Variants in SCART1 observed in about 807,000 individuals in gnomAD.
The protein encoded by SCART1 is scavenger receptor cysteine-rich domain-containing protein SCART1.
In SCART1, 62 loss-of-function variants were observed where a neutral mutation model predicts 36.2. That is an observed-to-expected ratio of 1.71 (90% CI 1.40 to 2.12). SCART1 has a LOEUF of 2.12. SCART1 is among the 30% of genes most tolerant of loss of function. The pLI is 0.00. For missense variants in SCART1, 1,041 were observed against 540.5 expected (o/e 1.93, Z -9.18); for synonymous variants, 487 against 238.7 (o/e 2.04, Z -9.59).
rs150611227 is a variant in SCART1, at chr10:133,464,699, A to G, written c.2063A>G (p.Asn688Ser). The change falls in exon 7 of 12, where the codon AAT (asparagine) becomes AGT (serine). Residue 688 changes from asparagine (N) to serine (S), a missense_variant. Coordinates refer to ENST00000640237, the Ensembl canonical transcript of SCART1. ...GGGACCTGGGGCGCCATGTGCAGCA[A>G]TGCCCTGAAGGACCTCTCCTTGTCC... 9.5e-3 allele frequency: 6,657 copies of G among 701,722 alleles called. 76 individuals carry two copies. Among genetic ancestry groups the G allele is most frequent in the Middle Eastern group, 0.039 (170 of 4,314 alleles). The allele number at this position is 701,722 out of a possible 1,614,324, so 43.5% of individuals were successfully genotyped here.
chr10:133,465,283 G>A (rs1337888052), exon 9 of SCART1: 1 of 687,208 alleles, frequency 1.5e-6, no homozygotes, highest in Admixed American at 2.1e-5. Context: ...CGGGGGCGAG[G>A]ACCGCTGCTC....
exon 12 of SCART1, chr10:133,467,932 C>T (rs111704110): frequency 1.0e-5 from 7 of 698,408 alleles, no homozygotes; most frequent in African/African-American, 3.5e-5. Context: ...AGGGATATGA[C>T]GAGGCTGCGT....
At chr10:133,460,196 A>G (rs564941521) in intron 6 of SCART1, 26 bp downstream of exon 6, 12 of 462,194 alleles carry the variant, frequency 2.6e-5, no homozygotes, top group African/African-American at 2.4e-4. Context: ...GTATGGAATG[A>G]TCATGCTGTT....
chr10:133,460,117 G>C, exon 6 of SCART1: 1 of 516,998 alleles, frequency 1.9e-6, no homozygotes, highest in Admixed American at 4.0e-5. Context: ...CCGTCGGCGG[G>C]CTGGGGGCGG....
chr10:133,457,305 G>A, exon 3 of SCART1: 1 of 700,798 alleles, frequency 1.4e-6, no homozygotes, highest in Non-Finnish European at 2.6e-6. Context: ...GCTCCGGCTG[G>A]TGAAGGGCCG....
exon 6 of SCART1, chr10:133,459,914 G>A (rs974807720): frequency 3.7e-6 from 2 of 540,842 alleles, no homozygotes; most frequent in African/African-American, 4.1e-5. Flanking sequence ...GGGCCGGGGC[G>A]CTGCACGGGG....
intron 2 of SCART1, 72 bp from the exon 3 acceptor site, chr10:133,457,207 A>G: frequency 1.5e-6 from 1 of 676,458 alleles, no homozygotes; most frequent in Non-Finnish European, 2.7e-6. Flanking sequence ...TCCTCCCTGA[A>G]AAAGGAGCTG....
At chr10:133,461,144 T>C (rs1405014598) in intron 6 of SCART1, among the ~76,000 whole-genome samples, 2 of 152,120 alleles carry the variant, frequency 1.3e-5, no homozygotes, top group East Asian at 3.9e-4. Flanking sequence ...GTGTGGTCAT[T>C]CTTGGGTGAT....
In SCART1 at chr10:133,454,173, T is replaced by G; in HGVS notation, c.67+109T>G. The G allele has an allele frequency of 5.8e-6, 4 of 688,510 alleles. 1 individual carries two copies. The South Asian group carries it at 6.1e-5, about 11-fold the overall frequency. The allele number at this position is 688,510 out of a possible 1,614,324, so 42.7% of individuals were successfully genotyped here. A position where few individuals can be genotyped will look rare whatever the true frequency, so the allele number is the denominator to read the frequency against. On this transcript the variant is annotated intron_variant, in intron 1 of 11. Transcript: ENST00000640237. ...TGCAGTGACCTGCCGTCTGCCTGGG[T>G]CTCACTCAGCCCAGAGTGGGTGGGA...
exon 7 of SCART1, chr10:133,464,776 G>A: frequency 2.8e-6 from 2 of 702,418 alleles, no homozygotes; most frequent in East Asian, 5.4e-5. Context: ...GCTGGCTGGA[G>A]AACAGGCCCT....
intron 6 of SCART1, among the ~76,000 whole-genome samples, chr10:133,463,788 G>A (rs1039360725): frequency 2.6e-5 from 4 of 152,116 alleles, no homozygotes; most frequent in Admixed American, 2.0e-4. Context: ...AATTGGCAAA[G>A]CCATCATCTC....
chr10:133,460,063 A>C (rs1850678389), exon 6 of SCART1: 11 of 511,080 alleles, frequency 2.2e-5, no homozygotes, highest in Non-Finnish European at 3.8e-5. Flanking sequence ...ATCTGGCTGG[A>C]CGAGCTGGGC....
At chr10:133,455,056 C>T (rs1423165725) in intron 1 of SCART1, among the ~76,000 whole-genome samples, 1 of 152,088 alleles carries the variant, frequency 6.6e-6, no homozygotes. Flanking sequence ...TACCTGAGGT[C>T]ATGAGTTCGA....
At chr10:133,455,084 T>C (rs982784174) in intron 1 of SCART1, among the ~76,000 whole-genome samples, 10 of 152,068 alleles carry the variant, frequency 6.6e-5, no homozygotes, top group Middle Eastern at 3.4e-3. Flanking sequence ...CTGGCCAACA[T>C]GGTGAAACCC....
At chr10:133,460,113 G>T (rs1232184502) in exon 6 of SCART1, 9 of 517,690 alleles carry the variant, frequency 1.7e-5, no homozygotes, top group African/African-American at 4.0e-5. Context: ...GTGCCCGTCG[G>T]CGGGCTGGGG....
At chr10:133,456,624 G>A (rs921982189) in intron 2 of SCART1, 70 bp downstream of exon 2, 10 of 604,800 alleles carry the variant, frequency 1.7e-5, no homozygotes, top group African/African-American at 1.1e-4. Flanking sequence ...AGGAGGACTG[G>A]GAGGACGCAG....
chr10:133,464,059 A>C (rs1365317148), intron 6 of SCART1, among the ~76,000 whole-genome samples: 1 of 152,076 alleles, frequency 6.6e-6, no homozygotes, highest in East Asian at 1.9e-4. Flanking sequence ...TTTATGAGTG[A>C]GAACATGTGC....
Position 133,458,224 on chromosome 10 carries a change from C to T in SCART1, c.683-136C>T, listed in dbSNP as rs1850643563. ...TGGAAGGGCCTGTGGCTGCAAGTTC[C>T]TGCCTGTGCTTGGTAGACCCTCTGC... On this transcript the variant is annotated intron_variant, in intron 3 of 11. Coordinates refer to ENST00000640237, the Ensembl canonical transcript of SCART1. 5 of 700,726 alleles carry T rather than the reference C, an allele frequency of 7.1e-6. No individual in the cohort carries two copies. In the Admixed American group the frequency reaches 8.0e-5, roughly 11 times the overall value. The allele number at this position is 700,726 out of a possible 1,614,324, so 43.4% of individuals were successfully genotyped here. A position where few individuals can be genotyped will look rare whatever the true frequency, so the allele number is the denominator to read the frequency against.
chr10:133,456,542 G>T, exon 2 of SCART1: 1 of 665,814 alleles, frequency 1.5e-6, no homozygotes, highest in Non-Finnish European at 2.7e-6. Flanking sequence ...GGTGGTGGTC[G>T]CGCTGTGCTC....
Sources: gnomAD v4.1 joint callset for allele counts (sites outside exome capture counted in the v4.1 genomes callset) on GRCh38, gnomAD v4.1.1 for gene constraint, MANE v1.5 for transcripts, NCBI Gene and HGNC (gene_info 2026-07-23, HGNC 2026-07-21) for gene names.